PDHA1: variants seen among roughly 807,000 people sequenced by gnomAD.
PDHA1 encodes the protein pyruvate dehydrogenase E1 component subunit alpha, somatic form, mitochondrial.
In PDHA1, 1 loss-of-function variant was observed where a neutral mutation model predicts 33.0. The observed-to-expected ratio is 0.03, with a 90% CI of 0.01 to 0.14. PDHA1 has a LOEUF of 0.14. Ranked by LOEUF, PDHA1 falls within the 10% of genes least tolerant of loss-of-function variation. The pLI is 1.00. For missense variants in PDHA1, 168 were observed against 325.1 expected (o/e 0.52, Z 3.72); for synonymous variants, 123 against 119.2 (o/e 1.03, Z -0.21).
At chrX:19,355,857 T>C (rs749700060) in intron 8 of PDHA1, 100 bp downstream of exon 8, 3 of 621,631 alleles carry the variant, frequency 4.8e-6, no homozygotes, top group South Asian at 2.3e-5. Flanking sequence ...TACCTGCTAA[T>C]TGAGGTGCAT....
At chrX:19,346,466 C>A in intron 1 of PDHA1, 1 of 405,844 alleles carries the variant, frequency 2.5e-6, no homozygotes, top group Admixed American at 3.3e-5. Context: ...CAGGCATGTG[C>A]CACCACCACA....
chrX:19,347,970 G>A (rs972738693), intron 1 of PDHA1, among the ~76,000 whole-genome samples: 3 of 112,319 alleles, frequency 2.7e-5, no homozygotes, highest in East Asian at 2.8e-4. Flanking sequence ...GAAGATATAC[G>A]TAATTAGCTT....
At chrX:19,349,096 A>G (rs956892523) in intron 1 of PDHA1, among the ~76,000 whole-genome samples, 16 of 111,966 alleles carry the variant, frequency 1.4e-4, no homozygotes, top group Non-Finnish European at 1.5e-4. Context: ...GCTTGCCTTC[A>G]GATGCGGGAT....
rs200897748 is a variant in PDHA1 at position 19,344,118 on chromosome X, G to T, written c.57+24G>T. 1,020 of 1,170,290 alleles carry T rather than the reference G, an allele frequency of 8.7e-4. 7 individuals carry two copies. In the African/African-American group the frequency reaches 0.016, roughly 19 times the overall value. On this transcript the variant is annotated intron_variant, in intron 1 of 10. Coordinates refer to ENST00000422285, the MANE Select transcript of PDHA1 (RefSeq NM_000284.4). ...CGGTGAGACCTCCCGGGCGGGCCGG[G>T]ATGGGGCGCGAGTGGGGCTGAGGCG...
chrX:19,360,723 C>T lies in PDHA1; in HGVS notation c.*1070C>T, dbSNP rs754361374. 6 of 1,151,328 alleles carry T rather than the reference C, an allele frequency of 5.2e-6. No homozygotes were observed. The South Asian group carries it at 9.1e-5, about 18-fold the overall frequency. 94.9% of individuals were successfully genotyped at this position (1,151,328 alleles called of 1,213,427 possible). ...ACAAAACATGTAGCGTGGTGGGACACTCTGCCACAGCTTAGCTGATTGGTA... is the reference window on the plus strand; with the variant it reads ...ACAAAACATGTAGCGTGGTGGGACATTCTGCCACAGCTTAGCTGATTGGTA... On this transcript the variant is annotated 3_prime_UTR_variant, in exon 11 of 11. Coordinates refer to ENST00000422285, the MANE Select transcript of PDHA1 (RefSeq NM_000284.4).
In PDHA1 at chrX:19,361,580, G is replaced by A. The variant is rs2063288529; in HGVS notation, c.*1927G>A. 2 of 1,203,411 alleles carry A rather than the reference G, an allele frequency of 1.7e-6. No homozygotes were observed. Among genetic ancestry groups the A allele is most frequent in the South Asian group, 3.5e-5 (2 of 56,382 alleles). On this transcript the variant is annotated 3_prime_UTR_variant, in exon 11 of 11. Coordinates refer to ENST00000422285, the MANE Select transcript of PDHA1 (RefSeq NM_000284.4). Reference sequence around the variant, plus strand: ...TTCTCTGCCCGTAGGGGCCTGCTGGGTTCTCTGTAATACCTGTAACGATTG... The same window carrying A: ...TTCTCTGCCCGTAGGGGCCTGCTGGATTCTCTGTAATACCTGTAACGATTG...
chrX:19,350,664 C>A (rs1251004175), intron 3 of PDHA1, among the ~76,000 whole-genome samples: 3 of 112,423 alleles, frequency 2.7e-5, no homozygotes, highest in Non-Finnish European at 5.6e-5. Context: ...GTTTTCTGTA[C>A]CTGTTCTTAG....
At position 19,359,881 on chromosome X, in the gene PDHA1, G is replaced by A. The variant is rs1602233992; in HGVS notation, c.*228G>A. 4.7e-6 allele frequency: 2 copies of A among 427,094 alleles called. No individual in the cohort carries two copies. The highest frequency in any genetic ancestry group is 4.1e-5 in the East Asian group (1 of 24,280). 35.2% of individuals were successfully genotyped at this position (427,094 alleles called of 1,213,427 possible). A position where few individuals can be genotyped will look rare whatever the true frequency, so the allele number is the denominator to read the frequency against. On this transcript the variant is annotated 3_prime_UTR_variant, in exon 11 of 11. Transcript: ENST00000422285. ...TTTTTGACTTAAAATAGTATACTTTGAACAAATACTCTAATTATGAAAAGG... is the reference window on the plus strand; with the variant it reads ...TTTTTGACTTAAAATAGTATACTTTAAACAAATACTCTAATTATGAAAAGG...
chrX:19,349,268 C>G (rs901001467), intron 1 of PDHA1, 44 bp from the exon 2 acceptor site: 4 of 866,821 alleles, frequency 4.6e-6, no homozygotes, highest in African/African-American at 2.0e-5. Context: ...AAATAGCTGA[C>G]AATTAAAAAG....
chrX:19,350,240 T>C lies in PDHA1; in HGVS notation c.291+130T>C, dbSNP rs1373587783. 5.4e-6 allele frequency: 3 copies of C among 553,816 alleles called. No homozygotes were observed. The African/African-American group carries it at 7.0e-5, about 13-fold the overall frequency. 45.6% of individuals were successfully genotyped at this position (553,816 alleles called of 1,213,427 possible). On this transcript the variant is annotated intron_variant, in intron 3 of 10. Coordinates refer to ENST00000422285, the MANE Select transcript of PDHA1 (RefSeq NM_000284.4). ...GTAATGTAATTTTCTTTTATTTATTTATTTTTTTGAGACAGTCTCTCTCTG... is the reference window on the plus strand; with the variant it reads ...GTAATGTAATTTTCTTTTATTTATTCATTTTTTTGAGACAGTCTCTCTCTG...
At chrX:19,359,157 A>T (rs892630250) in intron 10 of PDHA1, 133 bp downstream of exon 10, 15 of 504,615 alleles carry the variant, frequency 3.0e-5, no homozygotes, top group East Asian at 7.3e-5. Context: ...CCATAGTTCC[A>T]AAGTCCCTTG....
Position 19,359,542 on chromosome X carries a change from G to T in PDHA1, c.1062G>T (p.Thr354=), listed in dbSNP as rs147510382. 61 of 1,208,225 alleles carry T rather than the reference G, an allele frequency of 5.0e-5. No individual in the cohort carries two copies. The highest frequency in any genetic ancestry group is 6.7e-5 in the Non-Finnish European group (60 of 893,921). ...TTGAGGATGCTGCCCAGTTTGCCAC[G>T]GCCGATCCTGAGCCACCTTTGGAAG... ...KEIEDAAQFA[T]ADPEPPLEEL... Residue 354 remains threonine, a synonymous_variant, in exon 11 of 11, where the codon ACG becomes ACT. Transcript: ENST00000422285.
chrX:19,355,037 A>G (rs920531875), intron 6 of PDHA1, among the ~76,000 whole-genome samples: 10 of 112,140 alleles, frequency 8.9e-5, no homozygotes, highest in African/African-American at 2.9e-4. Context: ...GTGCTGGTTC[A>G]CTCTGGCTAT....
At chrX:19,352,438 G>C (rs2063170067) in intron 4 of PDHA1, among the ~76,000 whole-genome samples, 1 of 110,554 alleles carries the variant, frequency 9.0e-6, no homozygotes, top group Non-Finnish European at 1.9e-5. Flanking sequence ...GTTTCACCAT[G>C]TTGGCCAGGC....
At chrX:19,346,893 T>A (rs1429351821) in intron 1 of PDHA1, among the ~76,000 whole-genome samples, 1 of 112,327 alleles carries the variant, frequency 8.9e-6, no homozygotes, top group Non-Finnish European at 1.9e-5. Flanking sequence ...ACTGTTAGAA[T>A]CTGGAATTTT....
intron 1 of PDHA1, chrX:19,345,942 C>G (rs1262145622): frequency 2.3e-5 from 3 of 132,784 alleles, no homozygotes; most frequent in Non-Finnish European, 5.0e-5. Context: ...AAAAGTTTCA[C>G]TTTTATTTTT....
In PDHA1 at chrX:19,353,074, A is replaced by G. The variant is rs769681451; in HGVS notation, c.419-8A>G. ...GTTCTGCACATGTGTATGTTCTGCC[A>G]TTTCCAGGACGAAAAGGAGGTTGTG... On this transcript the variant is annotated splice_polypyrimidine_tract_variant and splice_region_variant and intron_variant, in intron 4 of 10. Coordinates refer to ENST00000422285, the MANE Select transcript of PDHA1 (RefSeq NM_000284.4). 1.7e-6 allele frequency: 2 copies of G among 1,199,870 alleles called. No individual in the cohort carries two copies. Among genetic ancestry groups the G allele is most frequent in the East Asian group, 3.0e-5 (1 of 33,738 alleles).
intron 10 of PDHA1, among the ~76,000 whole-genome samples, 185 bp downstream of exon 10, chrX:19,359,209 A>G (rs1569193739): frequency 9.0e-6 from 1 of 111,219 alleles, no homozygotes. Context: ...TCAAAATTGT[A>G]TTACTCTTCA....
Position 19,358,999 on chromosome X carries a change from A to G in PDHA1, c.983A>G (p.Asn328Ser), listed in dbSNP as rs758465753. Residue 328 changes from asparagine (N) to serine (S), a missense_variant, in exon 10 of 11, where the codon AAT becomes AGT. By Grantham distance (46) the Asn-to-Ser change is conservative (BLOSUM62 1). Coordinates refer to ENST00000422285, the MANE Select transcript of PDHA1 (RefSeq NM_000284.4). ...CTCAAGGACAGGATGGTGAACAGCA[A>G]TCTTGCCAGTGTGGAAGAACTAAAG... Reference protein sequence around the residue: ...MLLKDRMVNSNLASVEELKEI... With the variant: ...MLLKDRMVNSSLASVEELKEI... 1.6e-5 allele frequency: 19 copies of G among 1,176,724 alleles called. No individual in the cohort carries two copies. Among genetic ancestry groups the G allele is most frequent in the Middle Eastern group, 2.3e-4 (1 of 4,289 alleles).
Sources: gnomAD v4.1 joint callset for allele counts (sites outside exome capture counted in the v4.1 genomes callset) on GRCh38, gnomAD v4.1.1 for gene constraint, MANE v1.5 for transcripts, NCBI Gene and HGNC (gene_info 2026-07-23, HGNC 2026-07-21) for gene names.